OPRM1: variants seen among roughly 807,000 people sequenced by gnomAD.
OPRM1 encodes opioid receptor mu 1, also known as mu-type opioid receptor.
In OPRM1, 27 loss-of-function variants were observed where a neutral mutation model predicts 31.8. That is an observed-to-expected ratio of 0.85 (90% CI 0.63 to 1.17). The LOEUF is 1.17. Among genes scored for constraint, OPRM1 ranks in the 50% most tolerant of loss-of-function variants. The pLI, the probability that OPRM1 is intolerant of heterozygous loss-of-function variation, is 0.00. For synonymous variants in OPRM1, 196 were observed against 189.9 expected (o/e 1.03, Z -0.26); for missense variants, 536 against 511.1 (o/e 1.05, Z -0.47).
intron 3 of OPRM1, among the ~76,000 whole-genome samples, chr6:154,164,117 A>G (rs1799240464): frequency 6.6e-6 from 1 of 152,234 alleles, no homozygotes; most frequent in South Asian, 2.1e-4. Context: ...ATTTTGTTCT[A>G]AAGAAATTTA....
At position 154,129,089 on chromosome 6, in the gene OPRM1, C is replaced by T. The variant is rs78757557; in HGVS notation, c.*10368C>T. On this transcript the variant is annotated 3_prime_UTR_variant, in exon 4 of 4. Coordinates refer to ENST00000330432, the MANE Select transcript of OPRM1 (RefSeq NM_000914.5). Reference sequence around the variant, plus strand: ...AAGGGCTTTATTCAGCTGGGAGCATCGACCAGCTACTGTCTCAAAATCCAA... The same window carrying T: ...AAGGGCTTTATTCAGCTGGGAGCATTGACCAGCTACTGTCTCAAAATCCAA... Among the ~76,000 whole-genome samples the T allele has an allele frequency of 0.015, 2,270 of 152,262 alleles. 55 individuals are homozygous for T. The highest frequency in any genetic ancestry group is 0.052 in the African/African-American group (2,177 of 41,544).
chr6:154,043,420 C>T (rs1020244683), intron 1 of OPRM1, among the ~76,000 whole-genome samples: 1 of 151,848 alleles, frequency 6.6e-6, no homozygotes, highest in Non-Finnish European at 1.5e-5. Flanking sequence ...TAAAAATGAT[C>T]AGTTATACTT....
intron 3 of OPRM1, chr6:154,221,192 C>A: frequency 8.9e-7 from 1 of 1,128,456 alleles, no homozygotes; most frequent in Non-Finnish European, 1.3e-6. Context: ...ATTAGAATTC[C>A]AGTACCAGGC....
intron 3 of OPRM1, among the ~76,000 whole-genome samples, chr6:154,226,500 G>A (rs1779262583): frequency 6.6e-6 from 1 of 151,776 alleles, no homozygotes; most frequent in African/African-American, 2.4e-5. Context: ...TTCCCTTCTC[G>A]GTGCCCATGC....
At chr6:154,218,217 C>A (rs1364722054) in intron 3 of OPRM1, among the ~76,000 whole-genome samples, 3 of 152,044 alleles carry the variant, frequency 2.0e-5, no homozygotes, top group South Asian at 2.1e-4. Flanking sequence ...ATTAACTTGA[C>A]GTGAATGTGT....
intron 3 of OPRM1, chr6:154,157,779 A>G (rs1428285669): frequency 6.6e-6 from 1 of 152,234 alleles, no homozygotes. Flanking sequence ...TACTCTTTAC[A>G]TTGCCAATCC....
intron 3 of OPRM1, among the ~76,000 whole-genome samples, chr6:154,239,859 C>T (rs1235698709): frequency 6.6e-6 from 1 of 152,122 alleles, no homozygotes; most frequent in Non-Finnish European, 1.5e-5. Context: ...ATATCCACCA[C>T]GCTTGGCTAA....
chr6:154,210,986 A>C (rs1777912687), intron 3 of OPRM1, among the ~76,000 whole-genome samples: 1 of 152,246 alleles, frequency 6.6e-6, no homozygotes, highest in African/African-American at 2.4e-5. Context: ...AACTTGCAAA[A>C]CACAATAAAG....
At chr6:154,145,215 T>C (rs1343570964) in intron 3 of OPRM1, among the ~76,000 whole-genome samples, 1 of 152,166 alleles carries the variant, frequency 6.6e-6, no homozygotes, top group African/African-American at 2.4e-5. Context: ...TGTTGGCAGA[T>C]GACATGACTG....
In OPRM1 at chr6:154,052,846, T is replaced by A. The variant is rs376613166; in HGVS notation, c.290+13012T>A. On this transcript the variant is annotated intron_variant, in intron 1 of 3. Transcript: ENST00000330432. ...TGTATATACCCACAAAAATTAAAAA[T>A]TAACAAAAACCTAGACCAACTCACA... Among the ~76,000 whole-genome samples, 7 of 152,156 alleles carry A rather than the reference T, an allele frequency of 4.6e-5. No homozygotes were observed. In the East Asian group the frequency reaches 9.6e-4, roughly 21 times the overall value.
chr6:154,199,440 C>T (rs1252937402), intron 3 of OPRM1, among the ~76,000 whole-genome samples: 1 of 152,210 alleles, frequency 6.6e-6, no homozygotes, highest in African/African-American at 2.4e-5. Flanking sequence ...TCTTGGAGTT[C>T]TGAAGCAATT....
intron 3 of OPRM1, among the ~76,000 whole-genome samples, chr6:154,228,582 G>A (rs1779458756): frequency 6.6e-6 from 1 of 152,106 alleles, no homozygotes; most frequent in Non-Finnish European, 1.5e-5. Context: ...TCAGTGGAGT[G>A]TCACGTACAG....
Position 154,152,347 on chromosome 6 carries a change from G to GAAAAGAAAGAAAGAAAGAAAGAAA in OPRM1, c.1164+60875_1164+60876insAAAAGAAAGAAAGAAAGAAAGAAA. 2.1e-3 allele frequency among the ~76,000 whole-genome samples: 138 copies of GAAAAGAAAGAAAGAAAGAAAGAAA among 65,202 alleles called. 1 individual carries two copies. Among genetic ancestry groups the GAAAAGAAAGAAAGAAAGAAAGAAA allele is most frequent in the East Asian group, 0.011 (25 of 2,202 alleles). The allele number at this position is 65,202 out of a possible 152,430, so 42.8% of individuals were successfully genotyped here. On this transcript the variant is annotated intron_variant, in intron 3 of 3. Coordinates refer to the OPRM1 transcript ENST00000337049. ...AGAAAGAAAGAAAGAAAGAAAGAAA[G>GAAAAGAAAGAAAGAAAGAAAGAAA]GAAAGAAAGAAAGAAAGAAAGAAAG... is the stretch of plus-strand genomic sequence containing the variant.
Position 154,198,550 on chromosome 6 carries a change from G to C in OPRM1, c.1165-48143G>C, listed in dbSNP as rs1776808756. On this transcript the variant is annotated intron_variant, in intron 3 of 3. Transcript: ENST00000337049. ...TAAAGCATCTTTAGGTAAGGCCTCA[G>C]AGAGTGGTGACAACTGTTATAACTT... is the stretch of plus-strand genomic sequence containing the variant. Among the ~76,000 whole-genome samples the C allele has an allele frequency of 2.6e-5, 4 of 152,160 alleles. No homozygotes were observed. The South Asian group carries it at 8.3e-4, about 32-fold the overall frequency.
At chr6:154,140,152 AACAG>A (rs1798159497) in intron 3 of OPRM1, among the ~76,000 whole-genome samples, 1 of 152,190 alleles carries the variant, frequency 6.6e-6, no homozygotes, top group Admixed American at 6.5e-5. Flanking sequence ...GAGTCAGGCA[AACAG>A]ACAGACACTG....
At chr6:154,215,243 A>G (rs1023095466) in intron 3 of OPRM1, among the ~76,000 whole-genome samples, 3 of 152,186 alleles carry the variant, frequency 2.0e-5, no homozygotes, top group Non-Finnish European at 2.9e-5. Flanking sequence ...CTGTCAGATA[A>G]TTAGGAATCC....
chr6:154,174,677 C>T (rs1410493806), intron 3 of OPRM1, among the ~76,000 whole-genome samples: 1 of 152,096 alleles, frequency 6.6e-6, no homozygotes, highest in Non-Finnish European at 1.5e-5. Flanking sequence ...TAAAGCAAGT[C>T]CTTAGAGACC....
At chr6:154,021,550 A>G (rs372493978) in intron 1 of OPRM1, among the ~76,000 whole-genome samples, 2 of 152,178 alleles carry the variant, frequency 1.3e-5, no homozygotes, top group South Asian at 4.1e-4. Flanking sequence ...AGTTGGGAAG[A>G]AGTGATGTCT....
intron 3 of OPRM1, among the ~76,000 whole-genome samples, chr6:154,116,124 AC>A (rs1327218622): frequency 6.6e-6 from 1 of 152,088 alleles, no homozygotes; most frequent in African/African-American, 2.4e-5. Flanking sequence ...GGAATCCTCA[AC>A]CTTGGAGGGA....
Sources: gnomAD v4.1 joint callset for allele counts (sites outside exome capture counted in the v4.1 genomes callset) on GRCh38, gnomAD v4.1.1 for gene constraint, MANE v1.5 for transcripts, NCBI Gene and HGNC (gene_info 2026-07-23, HGNC 2026-07-21) for gene names.